PLEKHD1: variants seen among roughly 807,000 people sequenced by gnomAD.
The protein encoded by PLEKHD1 is pleckstrin homology and coiled-coil domain containing D1, also known as pleckstrin homology domain-containing family D member 1.
PLEKHD1 carries 51 observed loss-of-function variants against 69.2 expected under a neutral mutation model. The ratio of observed to expected loss-of-function variants is 0.74; its 90% CI spans 0.59 to 0.93. The LOEUF (loss-of-function observed/expected upper bound fraction) is 0.93, where lower values mean the gene tolerates loss of function less well. Ranked by LOEUF, PLEKHD1 falls within the 40% of genes least tolerant of loss-of-function variation. PLEKHD1 has a pLI of 0.00. For synonymous variants in PLEKHD1, 236 were observed against 244.7 expected (o/e 0.96, Z 0.33); for missense variants, 584 against 641.0 (o/e 0.91, Z 0.96).
At chr14:69,508,664 C>T (rs570993341) in intron 6 of PLEKHD1, among the ~76,000 whole-genome samples, 80 of 152,074 alleles carry the variant, frequency 5.3e-4, no homozygotes, top group Non-Finnish European at 9.3e-4. Flanking sequence ...AGACAAGAGA[C>T]GAAAGAGTAT....
In PLEKHD1 at chr14:69,485,006, C is replaced by T; in HGVS notation, c.41C>T (p.Ser14Phe). Reference sequence around the variant, plus strand: ...TCCAACTCGGTGTCGCCCTCGCCGTCCCTGGAGCAGGCTGACTCGGACGCC... The same window carrying T: ...TCCAACTCGGTGTCGCCCTCGCCGTTCCTGGAGCAGGCTGACTCGGACGCC... ...SKSNSVSPSP[S>F]LEQADSDALD... is the part of the protein sequence containing the mutation. Residue 14 changes from serine (S) to phenylalanine (F), a missense_variant, in exon 1 of 13, where the codon TCC becomes TTC. Ser to Phe is a radical substitution (Grantham distance 155, BLOSUM62 -2). Transcript: ENST00000322564. The T allele has an allele frequency of 6.4e-7, 1 of 1,551,330 alleles. No individual in the cohort carries two copies. Among genetic ancestry groups the T allele is most frequent in the Non-Finnish European group, 8.7e-7 (1 of 1,146,896 alleles).
rs2139506789 is a variant in PLEKHD1 at position 69,501,776 on chromosome 14, C to T, written c.453C>T (p.Ser151=). 4 of 1,551,608 alleles carry T rather than the reference C, an allele frequency of 2.6e-6. No homozygotes were observed. In the South Asian group the frequency reaches 4.8e-5, roughly 18 times the overall value. The stretch of plus-strand genomic sequence containing the variant: ...AGCTGGGAGAAGCCATGATCAAAAG[C>T]CTGGAGGCCCAGGGGCTGCAGTTGG... ...NAQLGEAMIK[S]LEAQGLQLAK... Residue 151 remains serine (S), a synonymous_variant, in exon 5 of 13, where the codon AGC becomes AGT. Transcript: ENST00000322564.
intron 11 of PLEKHD1, among the ~76,000 whole-genome samples, chr14:69,527,564 A>G (rs1047885472): frequency 6.6e-6 from 1 of 152,226 alleles, no homozygotes; most frequent in South Asian, 2.1e-4. Flanking sequence ...CCATTTATCA[A>G]AAGCTCAGAG....
At chr14:69,516,781 C>T (rs997031878) in intron 6 of PLEKHD1, among the ~76,000 whole-genome samples, 3 of 152,166 alleles carry the variant, frequency 2.0e-5, no homozygotes, top group Admixed American at 6.5e-5. Flanking sequence ...GTGATCCTCT[C>T]ACCTCAGCCT....
At chr14:69,500,235 GC>G in intron 2 of PLEKHD1, 27 bp downstream of exon 2, 1 of 1,477,628 alleles carries the variant, frequency 6.8e-7, no homozygotes, top group Non-Finnish European at 9.3e-7. Context: ...CAGGGCCACA[GC>G]AGGGGAGGGC....
At chr14:69,480,180 C>A (rs1180927872), upstream of PLEKHD1, among the ~76,000 whole-genome samples, 1 of 152,208 alleles carries the variant, frequency 6.6e-6, no homozygotes, top group African/African-American at 2.4e-5. Flanking sequence ...GGTGCCACAG[C>A]CTTGTGCAAT....
chr14:69,511,644 G>C (rs1883274398), intron 6 of PLEKHD1, among the ~76,000 whole-genome samples: 1 of 152,094 alleles, frequency 6.6e-6, no homozygotes, highest in Non-Finnish European at 1.5e-5. Flanking sequence ...CCTCCTGCCA[G>C]GTTCAAGGGA....
At chr14:69,482,207 CT>C (rs1882553974), upstream of PLEKHD1, among the ~76,000 whole-genome samples, 1 of 152,238 alleles carries the variant, frequency 6.6e-6, no homozygotes, top group South Asian at 2.1e-4. Flanking sequence ...CTGTGCTTCA[CT>C]TCTCTTATTG....
In PLEKHD1 at chr14:69,510,019, T is replaced by C. The variant is rs1297898867; in HGVS notation, c.555+7140T>C. 5.3e-5 allele frequency among the ~76,000 whole-genome samples: 8 copies of C among 152,336 alleles called. No individual in the cohort carries two copies. In the East Asian group the frequency reaches 1.5e-3, roughly 29 times the overall value. The stretch of plus-strand genomic sequence containing the variant: ...AGAGTTGAATTGACTATATTTATGT[T>C]AGTATGTTTCCGAGCTCTCTATTCT... On this transcript the variant is annotated intron_variant, in intron 6 of 12. Coordinates refer to ENST00000322564, the MANE Select transcript of PLEKHD1 (RefSeq NM_001161498.2).
intron 6 of PLEKHD1, among the ~76,000 whole-genome samples, chr14:69,505,565 C>T (rs1271603417): frequency 2.0e-5 from 3 of 152,210 alleles, no homozygotes; most frequent in African/African-American, 7.2e-5. Context: ...AACTCTATCA[C>T]TGACTGTGTG....
chr14:69,523,135 G>A (rs1424121608), intron 7 of PLEKHD1, among the ~76,000 whole-genome samples: 1 of 152,160 alleles, frequency 6.6e-6, no homozygotes, highest in African/African-American at 2.4e-5. Context: ...GTTTTGCCAT[G>A]TTGGCCAGAC....
rs992048759 is a variant in PLEKHD1 at position 69,531,291 on chromosome 14, C to A, written c.*2872C>A. The stretch of plus-strand genomic sequence containing the variant: ...TTCCATGCACATTTACCAATCGATA[C>A]TTCCTCCTATTCTCACCCTGTATTT... On this transcript the variant is annotated 3_prime_UTR_variant, in exon 13 of 13. Transcript: ENST00000322564. 6.6e-6 allele frequency: 1 copy of A among 152,282 alleles called. No individual in the cohort carries two copies. The highest frequency in any genetic ancestry group is 1.5e-5 in the Non-Finnish European group (1 of 68,036). The allele number at this position is 152,282 out of a possible 1,614,324, so 9.4% of individuals were successfully genotyped here.
chr14:69,508,043 A>C (rs1334579538), intron 6 of PLEKHD1, among the ~76,000 whole-genome samples: 22 of 152,198 alleles, frequency 1.4e-4, no homozygotes, highest in Admixed American at 1.4e-3. Flanking sequence ...TGTTATTTTA[A>C]TTTGCAATTA....
chr14:69,509,665 C>T (rs551599089), intron 6 of PLEKHD1, among the ~76,000 whole-genome samples: 48 of 152,174 alleles, frequency 3.2e-4, no homozygotes, highest in African/African-American at 1.1e-3. Flanking sequence ...AGGCCACGCA[C>T]GGTGGCTCAT....
the PLEKHD1 span, among the ~76,000 whole-genome samples, chr14:69,468,134 C>CT: frequency 6.6e-6 from 1 of 152,110 alleles, no homozygotes; most frequent in South Asian, 2.1e-4. Flanking sequence ...TTTGGGAGGA[C>CT]TTGTGGAGTT....
intron 6 of PLEKHD1, among the ~76,000 whole-genome samples, chr14:69,507,084 G>T (rs1883169849): frequency 6.6e-6 from 1 of 151,894 alleles, no homozygotes; most frequent in Admixed American, 6.6e-5. Context: ...AAGAGACGGG[G>T]CTTCACCGTG....
the PLEKHD1 span, among the ~76,000 whole-genome samples, chr14:69,469,962 TC>T: frequency 6.6e-6 from 1 of 151,606 alleles, no homozygotes; most frequent in Non-Finnish European, 1.5e-5. Context: ...CCTCAGGTGA[TC>T]CACCCACCTA....
At chr14:69,511,512 A>T (rs1883271651) in intron 6 of PLEKHD1, among the ~76,000 whole-genome samples, 1 of 152,064 alleles carries the variant, frequency 6.6e-6, no homozygotes, top group Non-Finnish European at 1.5e-5. Flanking sequence ...ATCTGTGTTC[A>T]TGAAAGATAC....
the PLEKHD1 span, among the ~76,000 whole-genome samples, chr14:69,475,011 G>A: frequency 1.1e-3 from 162 of 152,312 alleles, no homozygotes; most frequent in Non-Finnish European, 2.0e-3. Context: ...ATGAGCCACT[G>A]TTCCTGGTTA....
Sources: gnomAD v4.1 joint callset for allele counts (sites outside exome capture counted in the v4.1 genomes callset) on GRCh38, gnomAD v4.1.1 for gene constraint, MANE v1.5 for transcripts, NCBI Gene and HGNC (gene_info 2026-07-23, HGNC 2026-07-21) for gene names.